OPRL1: variants seen among roughly 807,000 people sequenced by gnomAD.
OPRL1 encodes nociceptin receptor.
A neutral mutation model predicts 15.5 loss-of-function variants in OPRL1; 5 were observed. The ratio of observed to expected loss-of-function variants is 0.32; its 90% CI spans 0.17 to 0.68. OPRL1 has a LOEUF of 0.68. OPRL1 is among the 30% of genes least tolerant of loss of function. OPRL1 has a pLI of 0.72. For synonymous variants in OPRL1, 223 were observed against 230.2 expected (o/e 0.97, Z 0.28); for missense variants, 406 against 515.3 (o/e 0.79, Z 2.05).
At chr20:64,093,085 C>T (rs6010719) in intron 3 of OPRL1, 132 bp downstream of exon 3, 12 of 828,738 alleles carry the variant, frequency 1.4e-5, no homozygotes, top group Admixed American at 2.7e-5. Context: ...TGTTTTTGAC[C>T]CTGTCCAGGA....
chr20:64,086,029 G>A (rs553669273), intron 1 of OPRL1, among the ~76,000 whole-genome samples: 115 of 152,302 alleles, frequency 7.6e-4, no homozygotes, highest in Non-Finnish European at 1.3e-3. Context: ...TGCAGCACCA[G>A]CTTGGCTTGA....
In OPRL1 at chr20:64,084,403, C is replaced by G. The variant is rs4344972; in HGVS notation, c.-185+4051C>G. The G allele has an allele frequency of 4.5e-3, 5,735 of 1,271,156 alleles. 173 individuals carry two copies. In the South Asian group the frequency reaches 0.068, roughly 15 times the overall value. The allele number at this position is 1,271,156 out of a possible 1,614,324, so 78.7% of individuals were successfully genotyped here. ...GCCCAGGCGCTCTCCCTCTCCCAAGCGCACGTCCCCAGCAGCTCTGCCATC... is the reference window on the plus strand; with the variant it reads ...GCCCAGGCGCTCTCCCTCTCCCAAGGGCACGTCCCCAGCAGCTCTGCCATC... On this transcript the variant is annotated intron_variant, in intron 1 of 4. Coordinates refer to ENST00000336866, the MANE Select transcript of OPRL1 (RefSeq NM_182647.4).
intron 1 of OPRL1, among the ~76,000 whole-genome samples, chr20:64,085,954 C>T (rs981888719): frequency 2.0e-5 from 3 of 152,310 alleles, no homozygotes; most frequent in African/African-American, 7.2e-5. Context: ...TGCTGCTCCC[C>T]AGGAAGGCCC....
rs1569272034 is a variant in OPRL1 at position 64,088,842 on chromosome 20, ATCTGTGCAGGGAGGGCAGGG to A, written c.-184-3114_-184-3095del. Among the ~76,000 whole-genome samples the A allele has an allele frequency of 3.4e-3, 428 of 124,564 alleles. 7 individuals are homozygous for A. The highest frequency in any genetic ancestry group is 4.9e-3 in the Middle Eastern group (1 of 206). The allele number at this position is 124,564 out of a possible 152,430, so 81.7% of individuals were successfully genotyped here. On this transcript the variant is annotated intron_variant, in intron 1 of 4. Coordinates refer to ENST00000336866, the MANE Select transcript of OPRL1 (RefSeq NM_182647.4). ...CCAGGATCTGTGCAGGGAGGGCAGG[ATCTGTGCAGGGAGGGCAGGG>A]TCTGTGCAGAGTGGCCAGGGTCTGT... is the stretch of plus-strand genomic sequence containing the variant.
rs1979593814 is a variant in OPRL1, at chr20:64,099,558, C to T, written c.*759C>T. On this transcript the variant is annotated 3_prime_UTR_variant, in exon 5 of 5. Transcript: ENST00000336866. ...TGCACGGTGCAGGCCTCATCCCTGA[C>T]TGCAGCTTGACTCTGGGCCCAACCC... The T allele has an allele frequency of 6.6e-6, 1 of 152,562 alleles. No homozygotes were observed. Among genetic ancestry groups the T allele is most frequent in the African/African-American group, 2.4e-5 (1 of 41,460 alleles). 9.5% of individuals were successfully genotyped at this position (152,562 alleles called of 1,614,324 possible).
At position 64,083,122 on chromosome 20, in the gene OPRL1, C is replaced by T. The variant is rs992545072; in HGVS notation, c.-185+2770C>T. On this transcript the variant is annotated intron_variant, in intron 1 of 4. Coordinates refer to ENST00000336866, the MANE Select transcript of OPRL1 (RefSeq NM_182647.4). This position sits in a 1 kb window ranked among gnomAD's most constrained non-coding sequence, Gnocchi z 4.9. ...CTTCTGCTGAAACAGGCTCTTTCTC[C>T]GTCCTCCCCAAGACTGGGGGCCTCC... Among the ~76,000 whole-genome samples, 3 of 152,192 alleles carry T rather than the reference C, an allele frequency of 2.0e-5. No individual in the cohort carries two copies. The highest frequency in any genetic ancestry group is 2.9e-5 in the Non-Finnish European group (2 of 68,032).
At position 64,083,177 on chromosome 20, in the gene OPRL1, T is replaced by G. The variant is rs1479363705; in HGVS notation, c.-185+2825T>G. On this transcript the variant is annotated intron_variant, in intron 1 of 4. Coordinates refer to ENST00000336866, the MANE Select transcript of OPRL1 (RefSeq NM_182647.4). This position sits in a 1 kb window ranked among gnomAD's most constrained non-coding sequence, Gnocchi z 4.9. ...GACCCACAGAACGCCAGGTTGCCAGTGGGGGGCAGATCGGGATTAGGGGTA... is the reference window on the plus strand; with the variant it reads ...GACCCACAGAACGCCAGGTTGCCAGGGGGGGGCAGATCGGGATTAGGGGTA... Among the ~76,000 whole-genome samples, 4 of 152,144 alleles carry G rather than the reference T, an allele frequency of 2.6e-5. No homozygotes were observed.
chr20:64,081,085 A>AG (rs1486067455), intron 1 of OPRL1, among the ~76,000 whole-genome samples: 1 of 41,760 alleles, frequency 2.4e-5, no homozygotes, highest in Non-Finnish European at 4.9e-5. Flanking sequence ...CCTGGGTGAG[A>AG]GGGGGGAGGG....
At position 64,098,809 on chromosome 20, in the gene OPRL1, G is replaced by T. The variant is rs754982665; in HGVS notation, c.*10G>T. ...ACCGCGGCCCGCATGACTAGGCGTG[G>T]ACCTGCCCATGGTGCCTGTCAGCCC... is the stretch of plus-strand genomic sequence containing the variant. On this transcript the variant is annotated 3_prime_UTR_variant, in exon 5 of 5. Coordinates refer to ENST00000336866, the MANE Select transcript of OPRL1 (RefSeq NM_182647.4). The T allele has an allele frequency of 5.7e-6, 9 of 1,578,856 alleles. No homozygotes were observed. In the South Asian group the frequency reaches 1.0e-4, roughly 18 times the overall value.
chr20:64,081,194 G>A (rs919809678), intron 1 of OPRL1, among the ~76,000 whole-genome samples: 1 of 152,182 alleles, frequency 6.6e-6, no homozygotes, highest in African/African-American at 2.4e-5. Flanking sequence ...GCTGCCTCTC[G>A]AAGCTGTACC....
rs1006202851 is a variant in OPRL1, at chr20:64,089,980, G to C, written c.-184-1986G>C. Reference sequence around the variant, plus strand: ...CCCCCTCTCGGCTCCTGAGGTCAGGGGGCTCACCCTCGAGCTTTGCCTGGA... The same window carrying C: ...CCCCCTCTCGGCTCCTGAGGTCAGGCGGCTCACCCTCGAGCTTTGCCTGGA... On this transcript the variant is annotated intron_variant, in intron 1 of 4. Transcript: ENST00000336866. The surrounding 1 kb of genome is among the most constrained non-coding windows in gnomAD (Gnocchi z 5.5). 6.6e-6 allele frequency among the ~76,000 whole-genome samples: 1 copy of C among 152,182 alleles called. No homozygotes were observed. The highest frequency in any genetic ancestry group is 2.4e-5 in the African/African-American group (1 of 41,432).
chr20:64,088,754 T>TGGCCAGGATCTGTGCAGGGA (rs2060087223), intron 1 of OPRL1, among the ~76,000 whole-genome samples: 1 of 55,084 alleles, frequency 1.8e-5, no homozygotes, highest in Admixed American at 2.3e-4. Flanking sequence ...CTGTGCAGAG[T>TGGCCAGGATCTGTGCAGGGA]GGCCAGGATC....
chr20:64,098,677 C>A lies in OPRL1; in HGVS notation c.991C>A (p.Arg331Ser). The change falls in exon 5 of 5, where the codon CGC becomes AGC. Residue 331 changes from arginine to serine, a missense_variant. By Grantham distance (110) the Arg-to-Ser change is moderately radical. Coordinates refer to ENST00000336866, the MANE Select transcript of OPRL1 (RefSeq NM_182647.4). Reference sequence around the variant, plus strand: ...GGATGAGAACTTCAAGGCCTGCTTCCGCAAGTTCTGCTGTGCATCTGCCCT... The same window carrying A: ...GGATGAGAACTTCAAGGCCTGCTTCAGCAAGTTCTGCTGTGCATCTGCCCT... ...FLDENFKACF[R>S]KFCCASALRR... The A allele has an allele frequency of 6.2e-7, 1 of 1,612,890 alleles. No individual in the cohort carries two copies. Among genetic ancestry groups the A allele is most frequent in the African/African-American group, 1.3e-5 (1 of 75,062 alleles).
chr20:64,092,315 C>T (rs2060127196), intron 2 of OPRL1, among the ~76,000 whole-genome samples, 199 bp downstream of exon 2: 1 of 152,110 alleles, frequency 6.6e-6, no homozygotes, highest in Non-Finnish European at 1.5e-5. Flanking sequence ...TCCCTGCATC[C>T]CTGTGCCTGT....
chr20:64,095,559 T>A (rs1979024230), intron 3 of OPRL1, among the ~76,000 whole-genome samples: 3 of 150,178 alleles, frequency 2.0e-5, no homozygotes, highest in Non-Finnish European at 3.0e-5. Flanking sequence ...GGACAGCAGG[T>A]GGGATCTTGA....
In OPRL1 at chr20:64,083,451, G is replaced by C. The variant is rs758190703; in HGVS notation, c.-185+3099G>C. ...CAGTCGCCGTCACCGCGGGAAGATGGTGCCATCCACGTTCTCCTCCAGGAT... is the reference window on the plus strand; with the variant it reads ...CAGTCGCCGTCACCGCGGGAAGATGCTGCCATCCACGTTCTCCTCCAGGAT... On this transcript the variant is annotated intron_variant, in intron 1 of 4. Coordinates refer to ENST00000336866, the MANE Select transcript of OPRL1 (RefSeq NM_182647.4). The surrounding 1 kb of genome is among the most constrained non-coding windows in gnomAD (Gnocchi z 4.9). 9 of 1,610,282 alleles carry C rather than the reference G, an allele frequency of 5.6e-6. No individual in the cohort carries two copies. Among genetic ancestry groups the C allele is most frequent in the Non-Finnish European group, 7.6e-6 (9 of 1,178,954 alleles).
chr20:64,085,527 A>G (rs1481605641), intron 1 of OPRL1, among the ~76,000 whole-genome samples: 1 of 152,222 alleles, frequency 6.6e-6, no homozygotes, highest in East Asian at 1.9e-4. Flanking sequence ...TTCTCAATTA[A>G]CTACTTAATC....
chr20:64,088,482 TACAGAGGGACCAAGATCTAC>T (rs1365532427), intron 1 of OPRL1, among the ~76,000 whole-genome samples: 20 of 148,128 alleles, frequency 1.4e-4, no homozygotes, highest in African/African-American at 4.5e-4. Flanking sequence ...GCAGGATCTG[TACAGAGGGACCAAGATCTAC>T]GCACGGGGAT....
In OPRL1 at chr20:64,098,625, C is replaced by T; in HGVS notation, c.939C>T (p.Cys313=). 1.2e-6 allele frequency: 2 copies of T among 1,612,924 alleles called. No homozygotes were observed. Among genetic ancestry groups the T allele is most frequent in the Non-Finnish European group, 1.7e-6 (2 of 1,179,982 alleles). The change falls in exon 5 of 5, where the codon TGC becomes TGT. Residue 313 remains cysteine, a synonymous_variant. Transcript: ENST00000336866. The part of the protein sequence containing the change: ...FCTALGYVNS[C]LNPILYAFLD... ...CGGCCCTGGGCTACGTCAACAGCTGCCTCAACCCCATCCTCTACGCCTTCC... is the reference window on the plus strand; with the variant it reads ...CGGCCCTGGGCTACGTCAACAGCTGTCTCAACCCCATCCTCTACGCCTTCC...
Sources: gnomAD v4.1 joint callset for allele counts (sites outside exome capture counted in the v4.1 genomes callset) on GRCh38, gnomAD v4.1.1 for gene constraint, Gnocchi (gnomAD v3.1) non-coding constraint, MANE v1.5 for transcripts, NCBI Gene and HGNC (gene_info 2026-07-23, HGNC 2026-07-21) for gene names.